Variants in AKAP19 observed in about 807,000 individuals in gnomAD.
AKAP19 encodes A-kinase anchoring protein 19.
chr2:189,970,389 A>G, the AKAP19 span, among the ~76,000 whole-genome samples: 1 of 152,122 alleles, frequency 6.6e-6, no homozygotes, highest in Admixed American at 6.6e-5. Context: ...GATATTTATC[A>G]TTCCCATATT....
the AKAP19 span, among the ~76,000 whole-genome samples, chr2:190,108,586 A>T: frequency 2.6e-5 from 4 of 152,320 alleles, no homozygotes; most frequent in East Asian, 7.7e-4. Flanking sequence ...TGCTCAAGTG[A>T]TTTAAATGAC....
chr2:190,125,588 C>A, the AKAP19 span, among the ~76,000 whole-genome samples: 1 of 152,274 alleles, frequency 6.6e-6, no homozygotes, highest in African/African-American at 2.4e-5. Flanking sequence ...AGTGAATTGT[C>A]TGAAGTGCTT....
the AKAP19 span, among the ~76,000 whole-genome samples, chr2:190,115,916 A>G: frequency 1.3e-5 from 2 of 152,274 alleles, no homozygotes; most frequent in Admixed American, 1.3e-4. Flanking sequence ...TCCTGAGATG[A>G]AAGTAATGGG....
At chr2:189,955,914 A>T in the AKAP19 span, among the ~76,000 whole-genome samples, 1 of 152,218 alleles carries the variant, frequency 6.6e-6, no homozygotes, top group Non-Finnish European at 1.5e-5. Flanking sequence ...AAATTAACAT[A>T]AAACTGATCT....
the AKAP19 span, chr2:190,200,274 C>T: frequency 4.0e-6 from 3 of 750,828 alleles, no homozygotes; most frequent in East Asian, 7.7e-5. Flanking sequence ...GATAATGTCA[C>T]TATTATAAGA....
chr2:189,990,166 G>A, the AKAP19 span, among the ~76,000 whole-genome samples: 1 of 152,134 alleles, frequency 6.6e-6, no homozygotes, highest in Non-Finnish European at 1.5e-5. Context: ...CCAGTAAAAT[G>A]TTGATAGAAA....
chr2:189,965,989 A>G, the AKAP19 span, among the ~76,000 whole-genome samples: 2 of 152,040 alleles, frequency 1.3e-5, no homozygotes, highest in Admixed American at 6.6e-5. Flanking sequence ...TATATATATG[A>G]TGGTATACTA....
At chr2:189,999,722 G>A in the AKAP19 span, among the ~76,000 whole-genome samples, 1 of 152,024 alleles carries the variant, frequency 6.6e-6, no homozygotes, top group Non-Finnish European at 1.5e-5. Context: ...GGTGTAGGGG[G>A]CACAAGTCTA....
At chr2:189,911,659 T>G in the AKAP19 span, among the ~76,000 whole-genome samples, 1 of 152,254 alleles carries the variant, frequency 6.6e-6, no homozygotes, top group Admixed American at 6.5e-5. Context: ...AAAGGAAAGC[T>G]TTTGGTTATT....
the AKAP19 span, among the ~76,000 whole-genome samples, chr2:189,899,834 T>C: frequency 4.1e-3 from 628 of 152,294 alleles, 11 homozygotes; most frequent in Admixed American, 0.033. Flanking sequence ...AGTTTTTAGA[T>C]TAATTCATGA....
At chr2:190,170,242 C>A in the AKAP19 span, among the ~76,000 whole-genome samples, 1 of 152,214 alleles carries the variant, frequency 6.6e-6, no homozygotes, top group Non-Finnish European at 1.5e-5. Flanking sequence ...AAGGCCCCAT[C>A]TCTAAATATG....
At chr2:190,152,103 C>T in the AKAP19 span, among the ~76,000 whole-genome samples, 2 of 151,892 alleles carry the variant, frequency 1.3e-5, no homozygotes, top group Admixed American at 1.3e-4. Context: ...GTGGGAGGAT[C>T]GCTGGAGGTC....
chr2:189,964,746 C>G, the AKAP19 span, among the ~76,000 whole-genome samples: 1 of 152,208 alleles, frequency 6.6e-6, no homozygotes, highest in Non-Finnish European at 1.5e-5. Context: ...CTTTATCTCT[C>G]TCAACTTTCA....
chr2:190,083,331 G>A, the AKAP19 span, among the ~76,000 whole-genome samples: 2 of 145,174 alleles, frequency 1.4e-5, no homozygotes, highest in African/African-American at 2.5e-5. Flanking sequence ...AGCCGAGATC[G>A]TGCTACTCTC....
the AKAP19 span, among the ~76,000 whole-genome samples, chr2:190,139,926 T>C: frequency 6.6e-6 from 1 of 152,130 alleles, no homozygotes; most frequent in Non-Finnish European, 1.5e-5. Flanking sequence ...ACAAGGCAAG[T>C]CCCTTCCATC....
chr2:190,027,256 C>T, the AKAP19 span, among the ~76,000 whole-genome samples: 1 of 152,178 alleles, frequency 6.6e-6, no homozygotes. Flanking sequence ...ATGCACAATG[C>T]TCTACTCTTA....
chr2:190,123,766 A>G, the AKAP19 span, among the ~76,000 whole-genome samples: 1 of 152,172 alleles, frequency 6.6e-6, no homozygotes, highest in Admixed American at 6.6e-5. Flanking sequence ...GTAAAGCATT[A>G]TTTTTGGTTG....
chr2:189,990,411 A>G, the AKAP19 span, among the ~76,000 whole-genome samples: 1 of 152,096 alleles, frequency 6.6e-6, no homozygotes, highest in African/African-American at 2.4e-5. Context: ...CGTTTATTCT[A>G]TTAGTATAGT....
At chr2:190,014,529 A>C in the AKAP19 span, among the ~76,000 whole-genome samples, 1 of 152,164 alleles carries the variant, frequency 6.6e-6, no homozygotes, top group Non-Finnish European at 1.5e-5. Flanking sequence ...ATTCAAGATG[A>C]CATTTGGGTG....
Sources: gnomAD v4.1 joint callset for allele counts (sites outside exome capture counted in the v4.1 genomes callset) on GRCh38, gnomAD v4.1.1 for gene constraint, MANE v1.5 for transcripts, NCBI Gene and HGNC (gene_info 2026-07-23, HGNC 2026-07-21) for gene names.